PLAC1: variants seen among roughly 807,000 people sequenced by gnomAD.
PLAC1 encodes placenta associated 1.
For synonymous variants in PLAC1, 68 were observed against 62.1 expected, an observed-to-expected ratio of 1.09 and a Z score of -0.44; for missense variants, 136 against 163.2, an observed-to-expected ratio of 0.83 and a Z score of 0.91.
intron 2 of PLAC1, among the ~76,000 whole-genome samples, chrX:134,719,677 C>A (rs1277664979): frequency 1.8e-5 from 2 of 111,228 alleles, no homozygotes; most frequent in African/African-American, 6.5e-5. Flanking sequence ...GTAATCCCAG[C>A]TACTCGGGAG....
intron 1 of PLAC1, among the ~76,000 whole-genome samples, chrX:134,736,285 A>G (rs1361065455): frequency 9.0e-6 from 1 of 111,239 alleles, no homozygotes; most frequent in Non-Finnish European, 1.9e-5. Context: ...TTCAAAAAAA[A>G]AAGAAGAAGA....
At chrX:134,654,388 G>C (rs1389234794) in intron 1 of PLAC1, among the ~76,000 whole-genome samples, 2 of 112,088 alleles carry the variant, frequency 1.8e-5, no homozygotes, top group East Asian at 5.6e-4. Flanking sequence ...GGAAGCCTAG[G>C]CAATGTTTTT....
chrX:134,723,909 AC>A (rs1369855314), intron 2 of PLAC1, among the ~76,000 whole-genome samples: 1 of 111,028 alleles, frequency 9.0e-6, no homozygotes, highest in Non-Finnish European at 1.9e-5. Flanking sequence ...TTATTAAAAG[AC>A]CAGGGAGTGC....
rs182280193 is a variant in PLAC1, at chrX:134,682,082, A to T, written n.174+51353T>A. On this transcript the variant is annotated intron_variant and non_coding_transcript_variant, in intron 2 of 2. Transcript: ENST00000466797. ...TTTATAGTGGAAAAATTGAGCCGAT[A>T]CCACCATAACCAAGAAATCAAACTA... Among the ~76,000 whole-genome samples the T allele has an allele frequency of 3.3e-3, 374 of 112,308 alleles. 1 individual carries two copies. Among genetic ancestry groups the T allele is most frequent in the Non-Finnish European group, 5.3e-3 (285 of 53,290 alleles).
At chrX:134,646,316 A>G (rs1375842721) in intron 1 of PLAC1, among the ~76,000 whole-genome samples, 6 of 112,043 alleles carry the variant, frequency 5.4e-5, no homozygotes, top group African/African-American at 1.9e-4. Context: ...GACTTCTCCA[A>G]CTACATGGGA....
At chrX:134,586,839 T>TGTGTGTGTGTG (rs2078004519) in intron 2 of PLAC1, among the ~76,000 whole-genome samples, 2 of 76,653 alleles carry the variant, frequency 2.6e-5, no homozygotes, top group Non-Finnish European at 5.0e-5. Context: ...CCCAGCTAAT[T>TGTGTGTGTGTG]TGTGTGTGTG....
intron 2 of PLAC1, among the ~76,000 whole-genome samples, chrX:134,677,764 A>T (rs1264512705): frequency 1.8e-5 from 2 of 111,488 alleles, no homozygotes; most frequent in Non-Finnish European, 3.8e-5. Flanking sequence ...ACATGTTCTG[A>T]CTTATGCTTT....
At chrX:134,667,745 A>G (rs111439679) in intron 2 of PLAC1, among the ~76,000 whole-genome samples, 1,220 of 108,396 alleles carry the variant, frequency 0.011, 17 homozygotes, top group African/African-American at 0.039. Context: ...ATGCAGGGAG[A>G]CCCCCATCTC....
intron 2 of PLAC1, among the ~76,000 whole-genome samples, chrX:134,680,746 G>A (rs1268901013): frequency 1.8e-5 from 2 of 111,776 alleles, no homozygotes; most frequent in East Asian, 5.6e-4. Context: ...CTTAATTAAG[G>A]CCAATATTCA....
At chrX:134,740,882 C>G (rs1008012810) in intron 1 of PLAC1, among the ~76,000 whole-genome samples, 1 of 111,946 alleles carries the variant, frequency 8.9e-6, no homozygotes, top group Admixed American at 9.4e-5. Flanking sequence ...TCCCCTACAG[C>G]CCCTGGAGGA....
chrX:134,752,373 C>G (rs928090838), intron 1 of PLAC1, among the ~76,000 whole-genome samples: 4 of 111,495 alleles, frequency 3.6e-5, no homozygotes, highest in African/African-American at 9.8e-5. Flanking sequence ...ATGCAATAAG[C>G]CTGCAGCAAA....
At chrX:134,586,483 C>T (rs1236870995) in intron 2 of PLAC1, among the ~76,000 whole-genome samples, 4 of 110,687 alleles carry the variant, frequency 3.6e-5, no homozygotes, top group African/African-American at 1.3e-4. Flanking sequence ...GAAACAAAGT[C>T]TCAGCTGTTA....
chrX:134,687,296 C>T (rs1192982137), intron 2 of PLAC1, among the ~76,000 whole-genome samples: 1 of 111,990 alleles, frequency 8.9e-6, no homozygotes, highest in East Asian at 2.8e-4. Context: ...GCTTGTCCAA[C>T]TCACAGTTCG....
intron 1 of PLAC1, among the ~76,000 whole-genome samples, chrX:134,647,944 C>G (rs1399590995): frequency 9.0e-6 from 1 of 110,628 alleles, no homozygotes; most frequent in East Asian, 2.8e-4. Flanking sequence ...TTGGGGGTAA[C>G]CTAGCAACCC....
At chrX:134,679,840 A>G (rs1342856866) in intron 2 of PLAC1, among the ~76,000 whole-genome samples, 3 of 112,080 alleles carry the variant, frequency 2.7e-5, no homozygotes, top group Non-Finnish European at 3.8e-5. Flanking sequence ...ACCTTCAGAG[A>G]TTCACTTCCT....
At chrX:134,701,834 A>T (rs2078584304) in intron 2 of PLAC1, among the ~76,000 whole-genome samples, 1 of 112,052 alleles carries the variant, frequency 8.9e-6, no homozygotes, top group South Asian at 3.7e-4. Flanking sequence ...CCTGGCCAAC[A>T]TGGTGAAACA....
intron 2 of PLAC1, among the ~76,000 whole-genome samples, chrX:134,705,854 T>G (rs1163447581): frequency 3.6e-5 from 4 of 112,133 alleles, no homozygotes; most frequent in African/African-American, 1.3e-4. Context: ...GAAATAAAAG[T>G]AATTTTCCCT....
chrX:134,731,300 T>C (rs985358530), intron 2 of PLAC1, among the ~76,000 whole-genome samples: 2 of 112,161 alleles, frequency 1.8e-5, no homozygotes, highest in African/African-American at 6.5e-5. Flanking sequence ...ACCTGTCACA[T>C]GAATGCTTTT....
chrX:134,636,743 C>T (rs759197230), intron 1 of PLAC1, among the ~76,000 whole-genome samples: 17 of 112,259 alleles, frequency 1.5e-4, no homozygotes, highest in Admixed American at 2.8e-4. Context: ...AAAGATATCA[C>T]GCTCCCTTGT....
Sources: gnomAD v4.1 joint callset for allele counts (sites outside exome capture counted in the v4.1 genomes callset) on GRCh38, gnomAD v4.1.1 for gene constraint, MANE v1.5 for transcripts, NCBI Gene and HGNC (gene_info 2026-07-23, HGNC 2026-07-21) for gene names.